The following CAB39 variants were observed in gnomAD, a reference collection of about 807,000 sequenced individuals.
CAB39 encodes the protein calcium binding protein 39, also known as calcium-binding protein 39.
Under a neutral mutation model 40.0 loss-of-function variants are expected in CAB39, and 8 were observed. The ratio of observed to expected loss-of-function variants is 0.20; its 90% CI spans 0.12 to 0.36. The LOEUF (loss-of-function observed/expected upper bound fraction) is 0.36, where lower values mean the gene tolerates loss of function less well. CAB39 is among the 10% of genes least tolerant of loss of function. The probability of loss-of-function intolerance (pLI) is 1.00; values close to 1 mark genes in which losing one functional copy is unlikely to be tolerated. For missense variants in CAB39, 270 were observed against 401.1 expected (o/e 0.67, Z 2.79); for synonymous variants, 156 against 141.6 (o/e 1.10, Z -0.72).
chr2:230,803,324 C>T (rs1289776318), intron 5 of CAB39, among the ~76,000 whole-genome samples: 3 of 152,208 alleles, frequency 2.0e-5, no homozygotes, highest in Non-Finnish European at 4.4e-5. Flanking sequence ...AAACCGGAAG[C>T]ATTCCCTTTG....
At chr2:230,782,170 C>A (rs955195111) in intron 2 of CAB39, among the ~76,000 whole-genome samples, 2 of 152,164 alleles carry the variant, frequency 1.3e-5, no homozygotes, top group Non-Finnish European at 2.9e-5. Flanking sequence ...CCGGCCACAA[C>A]CAAGTTTATC....
chr2:230,762,706 T>C (rs1695316646), intron 2 of CAB39, among the ~76,000 whole-genome samples: 1 of 152,254 alleles, frequency 6.6e-6, no homozygotes, highest in South Asian at 2.1e-4. Flanking sequence ...GTCTACTCAT[T>C]ACATTCATTC....
At chr2:230,773,294 A>ATGTGTGTGTG (rs35804272) in intron 2 of CAB39, among the ~76,000 whole-genome samples, 168 of 132,098 alleles carry the variant, frequency 1.3e-3, no homozygotes, top group African/African-American at 4.9e-3. Flanking sequence ...TCATGGGTGT[A>ATGTGTGTGTG]TGTGTATATA....
At chr2:230,713,734 C>A (rs962235744) in intron 1 of CAB39, 3 of 152,318 alleles carry the variant, frequency 2.0e-5, no homozygotes, top group Admixed American at 6.5e-5. Context: ...TTCTGGAGTT[C>A]AATGGAACCA....
intron 1 of CAB39, among the ~76,000 whole-genome samples, chr2:230,730,237 T>C (rs898503126): frequency 6.6e-6 from 1 of 152,116 alleles, no homozygotes; most frequent in African/African-American, 2.4e-5. Flanking sequence ...GCCTCTCGAG[T>C]AGCTGGGACT....
intron 3 of CAB39, among the ~76,000 whole-genome samples, chr2:230,792,587 C>T (rs940297224): frequency 2.6e-5 from 4 of 152,146 alleles, no homozygotes; most frequent in African/African-American, 9.7e-5. Context: ...TGGAAAGATC[C>T]GTCTGTTTTG....
chr2:230,774,494 T>G (rs1345600855), intron 2 of CAB39, among the ~76,000 whole-genome samples: 1 of 152,186 alleles, frequency 6.6e-6, no homozygotes, highest in Non-Finnish European at 1.5e-5. Flanking sequence ...TGGGACTTAG[T>G]CTTTCACTGC....
At chr2:230,735,209 C>G (rs796672926) in intron 1 of CAB39, among the ~76,000 whole-genome samples, 9 of 152,214 alleles carry the variant, frequency 5.9e-5, no homozygotes, top group African/African-American at 2.2e-4. Flanking sequence ...CTCTGTCACC[C>G]AGGCTGGAGT....
chr2:230,735,981 T>C (rs1362079766), intron 1 of CAB39, among the ~76,000 whole-genome samples: 2 of 152,210 alleles, frequency 1.3e-5, no homozygotes, highest in African/African-American at 2.4e-5. Flanking sequence ...GCACACTGCA[T>C]AGGGGCTCTT....
Position 230,803,006 on chromosome 2 carries a change from A to G in CAB39, c.567+4109A>G, listed in dbSNP as rs185743263. ...ATGAACATCAATGCGAAAATCCTCAATGAAATACTGGCGAACTGAATCCAG... is the reference window on the plus strand; with the variant it reads ...ATGAACATCAATGCGAAAATCCTCAGTGAAATACTGGCGAACTGAATCCAG... On this transcript the variant is annotated intron_variant, in intron 5 of 8. Transcript: ENST00000258418. Among the ~76,000 whole-genome samples, 884 of 152,318 alleles carry G rather than the reference A, an allele frequency of 5.8e-3. 29 individuals carry two copies. Among genetic ancestry groups the G allele is most frequent in the Admixed American group, 0.052 (793 of 15,284 alleles).
chr2:230,726,580 G>A (rs1252201557), intron 1 of CAB39, among the ~76,000 whole-genome samples: 1 of 152,128 alleles, frequency 6.6e-6, no homozygotes, highest in African/African-American at 2.4e-5. Context: ...ACAGTGGCCT[G>A]CATCCCTGTG....
chr2:230,755,945 T>G (rs1351985842), intron 1 of CAB39, among the ~76,000 whole-genome samples: 1 of 152,186 alleles, frequency 6.6e-6, no homozygotes, highest in African/African-American at 2.4e-5. Flanking sequence ...GTTTCAAAAC[T>G]CAGACATGTG....
chr2:230,747,951 A>G (rs540287094), intron 1 of CAB39, among the ~76,000 whole-genome samples: 3 of 152,336 alleles, frequency 2.0e-5, no homozygotes, highest in Non-Finnish European at 4.4e-5. Flanking sequence ...CATAATACCT[A>G]ACAGAATTAA....
chr2:230,797,968 G>A (rs890295526), intron 4 of CAB39, among the ~76,000 whole-genome samples: 1 of 152,118 alleles, frequency 6.6e-6, no homozygotes, highest in African/African-American at 2.4e-5. Flanking sequence ...AGAAGAGAGC[G>A]ATGTGTTTGA....
intron 8 of CAB39, 36 bp downstream of exon 8, chr2:230,817,933 G>A (rs765491981): frequency 6.4e-7 from 1 of 1,563,644 alleles, no homozygotes; most frequent in South Asian, 1.2e-5. Flanking sequence ...ACTGTCCACT[G>A]GAATTGTTCG....
chr2:230,748,053 G>A (rs1695006146), intron 1 of CAB39, among the ~76,000 whole-genome samples: 1 of 151,202 alleles, frequency 6.6e-6, no homozygotes, highest in African/African-American at 2.4e-5. Context: ...ATCCAGAGAG[G>A]GCCCATGCAT....
At chr2:230,775,107 G>A (rs1357236018) in intron 2 of CAB39, among the ~76,000 whole-genome samples, 1 of 151,536 alleles carries the variant, frequency 6.6e-6, no homozygotes, top group Non-Finnish European at 1.5e-5. Flanking sequence ...AATATTTAGA[G>A]GACTCTTGTT....
chr2:230,714,250 A>T (rs747669107), intron 1 of CAB39, among the ~76,000 whole-genome samples: 1 of 152,210 alleles, frequency 6.6e-6, no homozygotes, highest in Admixed American at 6.5e-5. Flanking sequence ...TCAGTGACTC[A>T]TGAGCCCGGA....
At chr2:230,745,319 T>A (rs1394615588) in intron 1 of CAB39, among the ~76,000 whole-genome samples, 1 of 152,214 alleles carries the variant, frequency 6.6e-6, no homozygotes, top group Non-Finnish European at 1.5e-5. Flanking sequence ...GTTAAAAAAA[T>A]TTGAAGTCTT....
Sources: allele counts gnomAD v4.1 joint callset (sites outside exome capture counted in the v4.1 genomes callset), GRCh38; gene constraint gnomAD v4.1.1; transcripts MANE v1.5; gene names NCBI Gene and HGNC (gene_info 2026-07-23, HGNC 2026-07-21).